The following ATXN7 variants were observed in gnomAD, a reference collection of about 807,000 sequenced individuals.
ATXN7 encodes ataxin 7, also known as ataxin-7.
Under a neutral mutation model 70.5 loss-of-function variants are expected in ATXN7, and 12 were observed. The ratio of observed to expected loss-of-function variants is 0.17; its 90% CI spans 0.11 to 0.28. The LOEUF (loss-of-function observed/expected upper bound fraction) is 0.28. Ranked by LOEUF, ATXN7 falls within the 10% of genes least tolerant of loss-of-function variation. The pLI, the probability that ATXN7 is intolerant of heterozygous loss-of-function variation, is 1.00. For synonymous variants in ATXN7, 498 were observed against 448.7 expected (o/e 1.11, Z -1.39); for missense variants, 1,256 against 1,131.7 (o/e 1.11, Z -1.58).
At chr3:63,988,850 T>C (rs545433124) in intron 9 of ATXN7, among the ~76,000 whole-genome samples, 13 of 152,344 alleles carry the variant, frequency 8.5e-5, no homozygotes, top group Admixed American at 2.0e-4. Flanking sequence ...TGAGAACTTA[T>C]ACACATACCT....
At chr3:63,966,457 T>C (rs1351811995) in intron 5 of ATXN7, among the ~76,000 whole-genome samples, 2 of 152,198 alleles carry the variant, frequency 1.3e-5, no homozygotes, top group African/African-American at 4.8e-5. Flanking sequence ...ATTTGGGAGA[T>C]GTATCCTCAT....
At chr3:63,866,256 A>AT (rs1026645731) in intron 1 of ATXN7, among the ~76,000 whole-genome samples, 48 of 151,212 alleles carry the variant, frequency 3.2e-4, no homozygotes, top group Admixed American at 9.9e-4. Flanking sequence ...AAGTTATTTT[A>AT]TTTTTTTTTG....
At chr3:63,999,264 A>G (rs1295129302) in intron 12 of ATXN7, 186 bp from the exon 13 acceptor site, 1 of 585,544 alleles carries the variant, frequency 1.7e-6, no homozygotes. Context: ...GATTGTGCCC[A>G]GTAGTAGTGA....
intron 4 of ATXN7, among the ~76,000 whole-genome samples, chr3:63,939,834 C>T (rs1378616130): frequency 6.6e-6 from 1 of 152,174 alleles, no homozygotes; most frequent in Non-Finnish European, 1.5e-5. Context: ...GGGTTTGGAA[C>T]TCCCCCAAAG....
chr3:63,956,200 G>A (rs940294128), intron 5 of ATXN7, among the ~76,000 whole-genome samples: 80 of 152,168 alleles, frequency 5.3e-4, no homozygotes, highest in African/African-American at 1.9e-3. Context: ...AAATACTCCA[G>A]TGTGCCTCAT....
chr3:63,925,117 G>A (rs555107082), intron 4 of ATXN7, among the ~76,000 whole-genome samples: 2 of 152,198 alleles, frequency 1.3e-5, no homozygotes, highest in African/African-American at 4.8e-5. Flanking sequence ...TCAGTTGCAG[G>A]TAGGGATGTA....
intron 1 of ATXN7, among the ~76,000 whole-genome samples, chr3:63,869,198 C>G (rs1575828402): frequency 6.6e-6 from 1 of 152,290 alleles, no homozygotes; most frequent in South Asian, 2.1e-4. Context: ...AGCCTTTAGG[C>G]TTTGAATATG....
intron 4 of ATXN7, among the ~76,000 whole-genome samples, chr3:63,950,142 C>A (rs1330513991): frequency 2.0e-5 from 3 of 152,010 alleles, no homozygotes; most frequent in Non-Finnish European, 4.4e-5. Flanking sequence ...TTTTACTAGT[C>A]CTAAGTCTCA....
intron 2 of ATXN7, among the ~76,000 whole-genome samples, chr3:63,903,327 C>T (rs1219351295): frequency 2.2e-5 from 3 of 138,682 alleles, no homozygotes; most frequent in African/African-American, 5.4e-5. Context: ...GTGGAGCTTG[C>T]AGTGAGCCAA....
intron 4 of ATXN7, among the ~76,000 whole-genome samples, chr3:63,930,982 T>C (rs1704931080): frequency 6.6e-6 from 1 of 152,210 alleles, no homozygotes; most frequent in South Asian, 2.1e-4. Flanking sequence ...GATTGCCGTA[T>C]GTGGCTTGGG....
chr3:63,871,900 A>G (rs943991685), intron 1 of ATXN7, among the ~76,000 whole-genome samples: 3 of 152,050 alleles, frequency 2.0e-5, no homozygotes, highest in African/African-American at 7.2e-5. Flanking sequence ...TGCTTTAATT[A>G]TCAATTAAAT....
At chr3:63,955,475 A>C (rs1417637786) in intron 5 of ATXN7, among the ~76,000 whole-genome samples, 2 of 152,168 alleles carry the variant, frequency 1.3e-5, no homozygotes. Flanking sequence ...GTGACACCCC[A>C]CTTACTTGGA....
At chr3:63,975,016 C>T (rs1029569218) in intron 5 of ATXN7, among the ~76,000 whole-genome samples, 2 of 152,154 alleles carry the variant, frequency 1.3e-5, no homozygotes, top group African/African-American at 2.4e-5. Flanking sequence ...CCACATGGCT[C>T]ATTTCAGCCA....
At chr3:63,951,023 C>T (rs1045964783) in intron 4 of ATXN7, among the ~76,000 whole-genome samples, 1 of 152,062 alleles carries the variant, frequency 6.6e-6, no homozygotes, top group Non-Finnish European at 1.5e-5. Context: ...AGTACTTTAC[C>T]TCTCTGTGAG....
chr3:63,943,076 CAA>C (rs775152028), intron 4 of ATXN7, among the ~76,000 whole-genome samples: 10 of 152,132 alleles, frequency 6.6e-5, no homozygotes, highest in African/African-American at 1.2e-4. Flanking sequence ...AACTGAGTGA[CAA>C]GAGAGAATTG....
intron 2 of ATXN7, among the ~76,000 whole-genome samples, chr3:63,912,377 C>T (rs564169798): frequency 1.3e-5 from 2 of 151,230 alleles, no homozygotes; most frequent in African/African-American, 2.4e-5. Flanking sequence ...CCGCGGGAGT[C>T]GAAAGCGAAA....
chr3:63,946,375 C>T (rs2074862872), intron 4 of ATXN7, among the ~76,000 whole-genome samples: 1 of 152,088 alleles, frequency 6.6e-6, no homozygotes, highest in African/African-American at 2.4e-5. Flanking sequence ...CGCGGTGGCT[C>T]ACGCCTATAA....
At chr3:63,967,968 T>TCAGTG in intron 5 of ATXN7, 1 of 1,535,760 alleles carries the variant, frequency 6.5e-7, no homozygotes, top group Non-Finnish European at 8.7e-7. Context: ...AGCTGAAAGC[T>TCAGTG]CCACTGGGTA....
At chr3:63,982,764 G>A in intron 7 of ATXN7, 175 bp from the exon 8 acceptor site, 1 of 622,904 alleles carries the variant, frequency 1.6e-6, no homozygotes, top group Non-Finnish European at 2.8e-6. Flanking sequence ...CTGTCTTAGT[G>A]ATGTTGCTGC....
Sources: gnomAD v4.1 joint callset for allele counts (sites outside exome capture counted in the v4.1 genomes callset) on GRCh38, gnomAD v4.1.1 for gene constraint, MANE v1.5 for transcripts, NCBI Gene and HGNC (gene_info 2026-07-23, HGNC 2026-07-21) for gene names.